The following SLC44A5 variants were observed in gnomAD, a reference collection of about 807,000 sequenced individuals.
The protein encoded by SLC44A5 is solute carrier family 44 member 5.
Under a neutral mutation model 101.8 loss-of-function variants are expected in SLC44A5, and 57 were observed. The observed-to-expected ratio is 0.56, with a 90% CI of 0.45 to 0.70. SLC44A5 has a LOEUF of 0.70. Ranked by LOEUF, SLC44A5 falls within the 30% of genes least tolerant of loss-of-function variation. The pLI is 0.00. For synonymous variants in SLC44A5, 281 were observed against 290.9 expected, an observed-to-expected ratio of 0.97 and a Z score of 0.35; for missense variants, 737 against 853.1, an observed-to-expected ratio of 0.86 and a Z score of 1.70.
chr1:75,453,436 A>G (rs1666013029), intron 2 of SLC44A5, among the ~76,000 whole-genome samples: 1 of 152,164 alleles, frequency 6.6e-6, no homozygotes, highest in African/African-American at 2.4e-5. Flanking sequence ...AAAAGTTAGA[A>G]AGATCTCAAA....
chr1:75,324,745 C>A (rs143898002), intron 4 of SLC44A5, among the ~76,000 whole-genome samples: 8 of 152,228 alleles, frequency 5.3e-5, no homozygotes, highest in African/African-American at 1.7e-4. Context: ...ACAAAATTTT[C>A]TAAAAAGTGC....
At chr1:75,254,448 C>G (rs547548294) in intron 6 of SLC44A5, among the ~76,000 whole-genome samples, 2 of 152,216 alleles carry the variant, frequency 1.3e-5, no homozygotes, top group South Asian at 4.1e-4. Context: ...ATATTTCCAT[C>G]AAGAAACAAA....
At chr1:75,253,152 ACAT>A (rs1413041644) in intron 6 of SLC44A5, among the ~76,000 whole-genome samples, 2 of 152,184 alleles carry the variant, frequency 1.3e-5, no homozygotes, top group Non-Finnish European at 2.9e-5. Flanking sequence ...GGAAAGTAAC[ACAT>A]CATCCCTTTT....
chr1:75,554,541 C>T (rs949965823), intron 1 of SLC44A5, among the ~76,000 whole-genome samples: 4 of 148,752 alleles, frequency 2.7e-5, no homozygotes, highest in African/African-American at 7.4e-5. Context: ...ACAGAAGGAA[C>T]AATACATATG....
In SLC44A5 at chr1:75,554,252, G is replaced by A. The variant is rs544952070; in HGVS notation, c.-69-12736C>T. On this transcript the variant is annotated intron_variant, in intron 1 of 23. Coordinates refer to ENST00000370859, the MANE Select transcript of SLC44A5 (RefSeq NM_001130058.2). ...AGTGCTTTGAGAGGCCAAGGCAGGC[G>A]AATCATTTGAGGTCAGGAGTTTGAG... Among the ~76,000 whole-genome samples the A allele has an allele frequency of 1.1e-4, 16 of 152,140 alleles. No homozygotes were observed. The South Asian group carries it at 1.7e-3, about 16-fold the overall frequency.
At chr1:75,458,741 T>C (rs1432138943) in intron 2 of SLC44A5, among the ~76,000 whole-genome samples, 1 of 152,188 alleles carries the variant, frequency 6.6e-6, no homozygotes, top group African/African-American at 2.4e-5. Flanking sequence ...ATTTATAGTA[T>C]ATTTATTAAT....
intron 2 of SLC44A5, chr1:75,398,366 G>C: frequency 1.0e-6 from 1 of 985,304 alleles, no homozygotes; most frequent in South Asian, 4.7e-5. Flanking sequence ...TGCAGACCCA[G>C]TCCCATTTGG....
chr1:75,252,301 C>T (rs947435052), intron 6 of SLC44A5, among the ~76,000 whole-genome samples: 15 of 152,302 alleles, frequency 9.8e-5, no homozygotes, highest in African/African-American at 3.4e-4. Context: ...ACATGCATAG[C>T]ACAAAATGTA....
At chr1:75,625,624 A>G in the SLC44A5 span, among the ~76,000 whole-genome samples, 4 of 152,116 alleles carry the variant, frequency 2.6e-5, no homozygotes, top group Non-Finnish European at 5.9e-5. Flanking sequence ...CCCATAATAA[A>G]AAATAATAGG....
At chr1:75,615,928 T>C, upstream of SLC44A5, 1 of 974,044 alleles carries the variant, frequency 1.0e-6, no homozygotes, top group Non-Finnish European at 1.2e-6. Context: ...ACGCGCTTCC[T>C]CCGGCTGCCG....
At chr1:75,640,796 C>A in the SLC44A5 span, among the ~76,000 whole-genome samples, 3 of 152,014 alleles carry the variant, frequency 2.0e-5, no homozygotes, top group African/African-American at 7.3e-5. Flanking sequence ...TATGCAGGCT[C>A]GAATGTCCTT....
At chr1:75,499,944 T>C (rs1024049902) in intron 2 of SLC44A5, among the ~76,000 whole-genome samples, 2 of 152,136 alleles carry the variant, frequency 1.3e-5, no homozygotes, top group Non-Finnish European at 2.9e-5. Flanking sequence ...ACAGAAGTGA[T>C]AGGCATTATT....
intron 2 of SLC44A5, among the ~76,000 whole-genome samples, chr1:75,415,361 G>A (rs1455358362): frequency 6.6e-6 from 1 of 152,148 alleles, no homozygotes; most frequent in East Asian, 1.9e-4. Flanking sequence ...TTTGCCTGCT[G>A]CCATCCATGT....
At chr1:75,535,026 A>G (rs191201576) in intron 2 of SLC44A5, among the ~76,000 whole-genome samples, 2 of 150,636 alleles carry the variant, frequency 1.3e-5, no homozygotes, top group Admixed American at 1.3e-4. Flanking sequence ...TGATAATTCT[A>G]TCTTGATTAA....
intron 4 of SLC44A5, among the ~76,000 whole-genome samples, chr1:75,320,517 C>A (rs940465235): frequency 6.6e-6 from 1 of 151,996 alleles, no homozygotes; most frequent in Admixed American, 6.6e-5. Context: ...AAAGAAAAAA[C>A]CAAAGATATA....
chr1:75,685,368 C>T, the SLC44A5 span, among the ~76,000 whole-genome samples: 13 of 152,336 alleles, frequency 8.5e-5, no homozygotes, highest in East Asian at 2.5e-3. Flanking sequence ...TGAATTTCTC[C>T]TCAGAAAATG....
At chr1:75,313,307 T>C (rs1570648050) in intron 4 of SLC44A5, among the ~76,000 whole-genome samples, 1 of 152,306 alleles carries the variant, frequency 6.6e-6, no homozygotes. Context: ...GAAGAAACGA[T>C]GGTTATGGAT....
the SLC44A5 span, among the ~76,000 whole-genome samples, chr1:75,707,958 G>A: frequency 3.9e-5 from 6 of 152,012 alleles, no homozygotes; most frequent in Admixed American, 2.6e-4. Context: ...GATTAAATTA[G>A]GTAACTTGTA....
chr1:75,361,645 C>T (rs1290907784), intron 3 of SLC44A5, among the ~76,000 whole-genome samples: 4 of 152,026 alleles, frequency 2.6e-5, no homozygotes, highest in African/African-American at 7.2e-5. Flanking sequence ...TAGGGTATCA[C>T]AATTTTTTAT....
Sources: gnomAD v4.1 joint callset for allele counts (sites outside exome capture counted in the v4.1 genomes callset) on GRCh38, gnomAD v4.1.1 for gene constraint, MANE v1.5 for transcripts, NCBI Gene and HGNC (gene_info 2026-07-23, HGNC 2026-07-21) for gene names.